Variants in PYROXD2 observed in about 807,000 individuals in gnomAD.
PYROXD2 encodes the protein pyridine nucleotide-disulphide oxidoreductase domain 2, also known as pyridine nucleotide-disulfide oxidoreductase domain-containing protein 2.
Under a neutral mutation model 71.1 loss-of-function variants are expected in PYROXD2, and 69 were observed. The ratio of observed to expected loss-of-function variants is 0.97; its 90% CI spans 0.80 to 1.19. PYROXD2 has a LOEUF of 1.19. PYROXD2 is among the 50% of genes most tolerant of loss of function. The pLI, the probability that PYROXD2 is intolerant of heterozygous loss-of-function variation, is 0.00. For synonymous variants in PYROXD2, 287 were observed against 302.7 expected, an observed-to-expected ratio of 0.95 and a Z score of 0.54; for missense variants, 745 against 748.9, an observed-to-expected ratio of 0.99 and a Z score of 0.06.
chr10:98,409,673 G>C (rs957318727), intron 2 of PYROXD2, among the ~76,000 whole-genome samples: 1 of 152,230 alleles, frequency 6.6e-6, no homozygotes, highest in African/African-American at 2.4e-5. Flanking sequence ...CTTCACAGCA[G>C]CTCTGTGAGG....
rs910400770 is a variant in PYROXD2 at position 98,390,732 on chromosome 10, G to T, written c.1158C>A (p.Ser386Arg). 6.2e-7 allele frequency: 1 copy of T among 1,604,470 alleles called. No individual in the cohort carries two copies. Among genetic ancestry groups the T allele is most frequent in the South Asian group, 1.1e-5 (1 of 89,418 alleles). ...KINVAVDRLP[S>R]FLAAPNAPRG... ...TGGGAGCATTGGGGGCCGCCAGGAA[G>T]CTGGGCAGCCTGTCTACGGCCACTG... is the stretch of plus-strand genomic sequence containing the variant. The change falls in exon 12 of 16, where the codon AGC (serine) becomes AGA (arginine). Residue 386 changes from serine to arginine, a missense_variant. Ser to Arg is a moderately radical substitution (Grantham distance 110, BLOSUM62 -1). Coordinates refer to ENST00000370575, the MANE Select transcript of PYROXD2 (RefSeq NM_032709.3).
chr10:98,386,802 C>T (rs1564790333), intron 14 of PYROXD2, among the ~76,000 whole-genome samples: 1 of 152,102 alleles, frequency 6.6e-6, no homozygotes, highest in Non-Finnish European at 1.5e-5. Flanking sequence ...TGCAATGAGG[C>T]GATTGAACCT....
At chr10:98,386,970 A>G (rs1590929580) in intron 14 of PYROXD2, among the ~76,000 whole-genome samples, 1 of 152,006 alleles carries the variant, frequency 6.6e-6, no homozygotes, top group South Asian at 2.1e-4. Context: ...AATCCTGGTG[A>G]CCTTCTCAGT....
chr10:98,399,858 C>T (rs754061735), intron 5 of PYROXD2, among the ~76,000 whole-genome samples: 4 of 152,162 alleles, frequency 2.6e-5, no homozygotes, highest in African/African-American at 4.8e-5. Context: ...TGACAGTGGC[C>T]CCATACTGAA....
chr10:98,412,728 T>C (rs1843830506), intron 1 of PYROXD2, among the ~76,000 whole-genome samples: 1 of 152,206 alleles, frequency 6.6e-6, no homozygotes, highest in Admixed American at 6.5e-5. Context: ...CTTTATGGTA[T>C]GTTTAGCAAC....
At chr10:98,394,796 G>A (rs1843099251) in intron 8 of PYROXD2, among the ~76,000 whole-genome samples, 1 of 152,062 alleles carries the variant, frequency 6.6e-6, no homozygotes, top group Non-Finnish European at 1.5e-5. Context: ...GCGTTTGCGG[G>A]AGTGGAGAGG....
rs1301430476 is a variant in PYROXD2 at position 98,408,126 on chromosome 10, C to T, written c.148-129G>A. ...GGGCCACACCCCATGGCCTCCCTGC[C>T]CCGCTCATGCTGTTCCTGCCTCTGG... On this transcript the variant is annotated intron_variant, in intron 2 of 15. Coordinates refer to ENST00000370575, the MANE Select transcript of PYROXD2 (RefSeq NM_032709.3). 5.3e-6 allele frequency: 4 copies of T among 747,798 alleles called. No individual in the cohort carries two copies. In the East Asian group the frequency reaches 1.1e-4, roughly 21 times the overall value. The allele number at this position is 747,798 out of a possible 1,614,324, so 46.3% of individuals were successfully genotyped here.
In PYROXD2 at chr10:98,386,395, A is replaced by G. The variant is rs571856897; in HGVS notation, c.1554+806T>C. 4.1e-4 allele frequency among the ~76,000 whole-genome samples: 63 copies of G among 151,954 alleles called. 1 individual carries two copies. In the South Asian group the frequency reaches 7.9e-3, roughly 19 times the overall value. On this transcript the variant is annotated intron_variant, in intron 14 of 15. Transcript: ENST00000370575. ...AGCTGATGAAACTAATGTCAATAAT[A>G]TATTTTATTTAGCCCAATATATCCA...
chr10:98,391,347 T>G (rs993151757), intron 10 of PYROXD2, among the ~76,000 whole-genome samples: 3 of 152,206 alleles, frequency 2.0e-5, no homozygotes, highest in African/African-American at 7.2e-5. Flanking sequence ...GTCAGTGGTT[T>G]GCAGGCCTCT....
chr10:98,388,783 A>G (rs1311635865), intron 12 of PYROXD2, among the ~76,000 whole-genome samples: 1 of 151,824 alleles, frequency 6.6e-6, no homozygotes, highest in African/African-American at 2.4e-5. Flanking sequence ...ACAGCTCCCA[A>G]ACGCAAATGT....
At chr10:98,400,328 T>C in intron 4 of PYROXD2, 71 bp from the exon 5 acceptor site, 1 of 1,449,652 alleles carries the variant, frequency 6.9e-7, no homozygotes, top group Non-Finnish European at 9.4e-7. Flanking sequence ...TTTCTCCGAT[T>C]GTGTTTGTGT....
chr10:98,385,213 G>A, intron 14 of PYROXD2, 146 bp from the exon 15 acceptor site: 1 of 1,197,574 alleles, frequency 8.4e-7, no homozygotes, highest in South Asian at 1.5e-5. Flanking sequence ...GAAAGGGAAG[G>A]AGATGAGACG....
At chr10:98,408,019 A>G (rs1212446591) in intron 2 of PYROXD2, 22 bp from the exon 3 acceptor site, 3 of 1,581,204 alleles carry the variant, frequency 1.9e-6, no homozygotes, top group Non-Finnish European at 2.6e-6. Flanking sequence ...GGCAGCACAC[A>G]GGGCCCTCCC....
At chr10:98,406,355 A>G (rs1169531072) in intron 4 of PYROXD2, among the ~76,000 whole-genome samples, 1 of 152,240 alleles carries the variant, frequency 6.6e-6, no homozygotes, top group African/African-American at 2.4e-5. Flanking sequence ...CTGCTCCCCA[A>G]CATCTGCCAC....
intron 5 of PYROXD2, among the ~76,000 whole-genome samples, chr10:98,399,022 T>C (rs1843296413): frequency 6.6e-6 from 1 of 152,108 alleles, no homozygotes; most frequent in Non-Finnish European, 1.5e-5. Context: ...ATGCCTGTAA[T>C]CCCAGCTACT....
At chr10:98,410,862 C>G in intron 2 of PYROXD2, 77 bp downstream of exon 2, 1 of 1,550,570 alleles carries the variant, frequency 6.4e-7, no homozygotes, top group East Asian at 2.4e-5. Context: ...CCACCTGCTT[C>G]TTCACACTCC....
intron 6 of PYROXD2, among the ~76,000 whole-genome samples, chr10:98,396,950 T>G (rs1843207271): frequency 6.6e-6 from 1 of 151,796 alleles, no homozygotes; most frequent in Admixed American, 6.6e-5. Flanking sequence ...CCCGAGAAGG[T>G]TCCTCAAATG....
intron 2 of PYROXD2, among the ~76,000 whole-genome samples, chr10:98,409,847 G>A (rs1163592987): frequency 1.3e-5 from 2 of 152,154 alleles, no homozygotes; most frequent in East Asian, 3.9e-4. Context: ...AGAGGCTGAG[G>A]CAGGCGGGTC....
At chr10:98,412,100 G>T (rs1400692616) in intron 1 of PYROXD2, among the ~76,000 whole-genome samples, 1 of 152,232 alleles carries the variant, frequency 6.6e-6, no homozygotes, top group African/African-American at 2.4e-5. Context: ...AACAGAGGGT[G>T]CCAGGGACCC....
Sources: gnomAD v4.1 joint callset for allele counts (sites outside exome capture counted in the v4.1 genomes callset) on GRCh38, gnomAD v4.1.1 for gene constraint, MANE v1.5 for transcripts, NCBI Gene and HGNC (gene_info 2026-07-23, HGNC 2026-07-21) for gene names.